CEP112: variants seen among roughly 807,000 people sequenced by gnomAD.
CEP112 encodes the protein centrosomal protein of 112 kDa.
In CEP112, 127 loss-of-function variants were observed where a neutral mutation model predicts 153.0. The observed-to-expected ratio is 0.83, with a 90% CI of 0.72 to 0.96. The LOEUF is 0.96. CEP112 is among the 40% of genes least tolerant of loss of function. The pLI, the probability that CEP112 is intolerant of heterozygous loss-of-function variation, is 0.00. For synonymous variants in CEP112, 358 were observed against 374.4 expected (o/e 0.96, Z 0.51); for missense variants, 1,089 against 1,101.2 (o/e 0.99, Z 0.16).
chr17:65,655,852 A>C (rs1049745566), intron 24 of CEP112, among the ~76,000 whole-genome samples: 5 of 152,222 alleles, frequency 3.3e-5, no homozygotes, highest in African/African-American at 1.2e-4. Flanking sequence ...AATACCCTTT[A>C]CTTCCTGATG....
chr17:65,850,733 C>T (rs1007748990), intron 21 of CEP112, among the ~76,000 whole-genome samples: 6 of 152,162 alleles, frequency 3.9e-5, no homozygotes, highest in Non-Finnish European at 7.4e-5. Context: ...CTCAGACCTA[C>T]GTGACCTGGA....
intron 17 of CEP112, among the ~76,000 whole-genome samples, chr17:65,985,595 T>C (rs1418805179): frequency 1.3e-5 from 2 of 152,204 alleles, no homozygotes; most frequent in African/African-American, 2.4e-5. Flanking sequence ...TGGTCTACTA[T>C]ATTAATAAAG....
intron 18 of CEP112, among the ~76,000 whole-genome samples, chr17:65,943,804 T>C (rs1200892566): frequency 2.6e-5 from 4 of 152,186 alleles, no homozygotes; most frequent in Admixed American, 2.6e-4. Flanking sequence ...CTGAAGTATG[T>C]TTTCCAACTT....
intron 24 of CEP112, among the ~76,000 whole-genome samples, chr17:65,667,913 T>TC (rs1229018857): frequency 7.2e-6 from 1 of 138,334 alleles, no homozygotes; most frequent in Non-Finnish European, 1.5e-5. Flanking sequence ...TTTTTTTTTT[T>TC]CGAGACTGAG....
chr17:65,813,345 T>C (rs1017866670), intron 21 of CEP112, among the ~76,000 whole-genome samples: 24 of 152,126 alleles, frequency 1.6e-4, no homozygotes, highest in African/African-American at 5.8e-4. Context: ...GAACAAAAGG[T>C]GTGGGCAATG....
chr17:65,890,079 T>C (rs1293241794), intron 20 of CEP112, among the ~76,000 whole-genome samples: 2 of 152,232 alleles, frequency 1.3e-5, no homozygotes, highest in African/African-American at 2.4e-5. Flanking sequence ...ACAAAGTAAG[T>C]ATTTTTAAAG....
chr17:65,720,050 G>A (rs747440136), intron 23 of CEP112, among the ~76,000 whole-genome samples: 1 of 152,212 alleles, frequency 6.6e-6, no homozygotes, highest in African/African-American at 2.4e-5. Flanking sequence ...CTGAGGCTCA[G>A]AGGGCTGGGT....
At chr17:65,907,171 G>C (rs2060114059) in intron 19 of CEP112, among the ~76,000 whole-genome samples, 1 of 152,148 alleles carries the variant, frequency 6.6e-6, no homozygotes, top group African/African-American at 2.4e-5. Context: ...GAGATCGTTA[G>C]TAATGATACC....
chr17:65,832,372 C>T (rs1434559343), intron 21 of CEP112, among the ~76,000 whole-genome samples: 1 of 142,790 alleles, frequency 7.0e-6, no homozygotes, highest in Non-Finnish European at 1.5e-5. Flanking sequence ...AACTGAGACA[C>T]AAAAAGCCAT....
intron 23 of CEP112, among the ~76,000 whole-genome samples, chr17:65,721,009 CTT>C (rs57507655): frequency 0.011 from 1,426 of 125,636 alleles, 13 homozygotes; most frequent in African/African-American, 0.038. Flanking sequence ...CTCTCTCTCT[CTT>C]TTTTTTTTTT....
intron 12 of CEP112, among the ~76,000 whole-genome samples, chr17:66,047,683 C>T (rs1242139083): frequency 6.6e-6 from 1 of 152,164 alleles, no homozygotes; most frequent in Non-Finnish European, 1.5e-5. Context: ...TTGCTACATA[C>T]ATGTAAAGGG....
At chr17:66,146,744 C>T (rs1230899474) in intron 4 of CEP112, among the ~76,000 whole-genome samples, 1 of 152,072 alleles carries the variant, frequency 6.6e-6, no homozygotes, top group Non-Finnish European at 1.5e-5. Flanking sequence ...CTTTAGAGAC[C>T]TCATATAAGT....
intron 17 of CEP112, among the ~76,000 whole-genome samples, chr17:65,993,663 A>G (rs2063676944): frequency 6.6e-6 from 1 of 152,228 alleles, no homozygotes; most frequent in Non-Finnish European, 1.5e-5. Flanking sequence ...TCAACAAATG[A>G]GCATGTAAAA....
chr17:65,992,444 G>C (rs768622996), intron 17 of CEP112, among the ~76,000 whole-genome samples: 2 of 152,082 alleles, frequency 1.3e-5, no homozygotes, highest in Non-Finnish European at 2.9e-5. Flanking sequence ...TCAGTTTGTT[G>C]GAAAAATAAC....
chr17:66,145,227 A>C (rs2070872023), intron 4 of CEP112, among the ~76,000 whole-genome samples: 1 of 152,196 alleles, frequency 6.6e-6, no homozygotes, highest in African/African-American at 2.4e-5. Flanking sequence ...TCTTTTGCAC[A>C]TTAACTGGAT....
chr17:66,174,091 G>A (rs2072363013), intron 4 of CEP112, among the ~76,000 whole-genome samples: 1 of 152,062 alleles, frequency 6.6e-6, no homozygotes, highest in Non-Finnish European at 1.5e-5. Flanking sequence ...ACCACGCCTG[G>A]CTAATTTTTT....
intron 17 of CEP112, among the ~76,000 whole-genome samples, chr17:65,999,181 T>C (rs1257503973): frequency 4.0e-5 from 6 of 150,740 alleles, no homozygotes; most frequent in African/African-American, 1.2e-4. Flanking sequence ...TGAACTCCAA[T>C]AGAAATTACT....
chr17:66,013,769 GCAGACCAGCAAC>G (rs2064643513), intron 16 of CEP112, among the ~76,000 whole-genome samples: 1 of 151,982 alleles, frequency 6.6e-6, no homozygotes. Flanking sequence ...TGGGGCGCTG[GCAGACCAGCAAC>G]TGCCAGCCTC....
intron 22 of CEP112, among the ~76,000 whole-genome samples, chr17:65,743,547 C>T (rs938200703): frequency 8.5e-5 from 13 of 152,230 alleles, no homozygotes; most frequent in Middle Eastern, 3.4e-3. Flanking sequence ...GAGAAATATA[C>T]TTATTAGAAT....
Sources: gnomAD v4.1 joint callset for allele counts (sites outside exome capture counted in the v4.1 genomes callset) on GRCh38, gnomAD v4.1.1 for gene constraint, MANE v1.5 for transcripts, NCBI Gene and HGNC (gene_info 2026-07-23, HGNC 2026-07-21) for gene names.